The following PRP4K variants were observed in gnomAD, a reference collection of about 807,000 sequenced individuals.
The protein encoded by PRP4K is pre-mRNA processing factor kinase PRP4K.
chr6:4,055,948 T>G, the PRP4K span, among the ~76,000 whole-genome samples: 1 of 152,240 alleles, frequency 6.6e-6, no homozygotes, highest in Non-Finnish European at 1.5e-5. Flanking sequence ...AAGTTAAGTC[T>G]GATTCCTTAG....
At chr6:4,042,017 C>T in the PRP4K span, among the ~76,000 whole-genome samples, 1 of 152,154 alleles carries the variant, frequency 6.6e-6, no homozygotes, top group Non-Finnish European at 1.5e-5. Context: ...GGAGTAGAGC[C>T]ACATTCCCCT....
At chr6:4,038,807 C>T in the PRP4K span, among the ~76,000 whole-genome samples, 20 of 151,656 alleles carry the variant, frequency 1.3e-4, no homozygotes, top group Admixed American at 8.5e-4. Context: ...GTCTTGTGTT[C>T]TGAAATTTAT....
the PRP4K span, chr6:4,058,889 T>C: frequency 8.9e-7 from 1 of 1,120,274 alleles, no homozygotes; most frequent in Non-Finnish European, 1.2e-6. Flanking sequence ...GCTGGTGAAT[T>C]AAAAAAAAAA....
the PRP4K span, among the ~76,000 whole-genome samples, chr6:4,024,347 A>G: frequency 6.6e-6 from 1 of 152,154 alleles, no homozygotes; most frequent in Non-Finnish European, 1.5e-5. Flanking sequence ...CTTAAAAGAT[A>G]TATACATTTT....
At chr6:4,040,995 G>T in the PRP4K span, 1 of 1,446,970 alleles carries the variant, frequency 6.9e-7, no homozygotes, top group Non-Finnish European at 9.4e-7. Flanking sequence ...CTTGGAAATT[G>T]TTAAATAATA....
the PRP4K span, chr6:4,047,068 C>A: frequency 1.1e-6 from 1 of 876,630 alleles, no homozygotes; most frequent in Admixed American, 2.0e-5. Context: ...AACTGATGTG[C>A]AAGAGGGCAA....
chr6:4,062,476 T>C, the PRP4K span: 36 of 152,656 alleles, frequency 2.4e-4, no homozygotes, highest in African/African-American at 8.0e-4. The surrounding 1 kb of genome is among the most constrained non-coding windows in gnomAD (Gnocchi z 4.2). Flanking sequence ...CTTGTCTCCC[T>C]GAGGAATATG....
the PRP4K span, among the ~76,000 whole-genome samples, chr6:4,053,130 A>G: frequency 2.2e-3 from 339 of 152,302 alleles, no homozygotes; most frequent in African/African-American, 7.7e-3. Flanking sequence ...GTGTGCACCA[A>G]TCCTGGAATG....
chr6:4,023,963 T>C, the PRP4K span, among the ~76,000 whole-genome samples: 11 of 151,298 alleles, frequency 7.3e-5, no homozygotes, highest in Non-Finnish European at 7.4e-5. Context: ...GACTCCCTGG[T>C]TCAAGCAGTT....
At chr6:4,047,300 G>C in the PRP4K span, 7 of 1,359,118 alleles carry the variant, frequency 5.2e-6, no homozygotes, top group African/African-American at 1.0e-4. Flanking sequence ...CAAATATATT[G>C]GTGCGTATAT....
chr6:4,057,492 G>A, the PRP4K span, among the ~76,000 whole-genome samples: 1 of 152,166 alleles, frequency 6.6e-6, no homozygotes, highest in Non-Finnish European at 1.5e-5. Context: ...GATGTAAGTT[G>A]AATTAGGTAA....
the PRP4K span, chr6:4,060,761 A>G: frequency 1.3e-6 from 1 of 764,244 alleles, no homozygotes; most frequent in Non-Finnish European, 2.1e-6. This position sits in a 1 kb window ranked among gnomAD's most constrained non-coding sequence, Gnocchi z 4.7. Context: ...CAAGGGTGAT[A>G]TTTCTTTTAG....
chr6:4,038,087 A>C, the PRP4K span, among the ~76,000 whole-genome samples: 2 of 152,182 alleles, frequency 1.3e-5, no homozygotes, highest in Non-Finnish European at 2.9e-5. Context: ...CATACATGAA[A>C]TATTTTAATA....
At chr6:4,042,833 T>G in the PRP4K span, among the ~76,000 whole-genome samples, 1 of 152,210 alleles carries the variant, frequency 6.6e-6, no homozygotes, top group African/African-American at 2.4e-5. Context: ...ATCTGAAGTT[T>G]GCTTTCTTTT....
At chr6:4,022,852 C>G in the PRP4K span, among the ~76,000 whole-genome samples, 2 of 152,174 alleles carry the variant, frequency 1.3e-5, no homozygotes, top group Admixed American at 6.5e-5. Flanking sequence ...GTTACATTTT[C>G]TACTAATCTG....
the PRP4K span, among the ~76,000 whole-genome samples, chr6:4,036,854 A>C: frequency 1.3e-5 from 2 of 151,838 alleles, no homozygotes; most frequent in African/African-American, 4.8e-5. Flanking sequence ...GTGTGGTGGC[A>C]TGCCCTTATG....
chr6:4,064,257 G>A, the PRP4K span: 1 of 152,436 alleles, frequency 6.6e-6, no homozygotes, highest in Non-Finnish European at 1.5e-5. Context: ...TAAGTACTCA[G>A]GACTTTTTTT....
chr6:4,058,866 C>T, the PRP4K span: 1 of 1,336,246 alleles, frequency 7.5e-7, no homozygotes, highest in Non-Finnish European at 1.0e-6. Context: ...TAACTGAGTA[C>T]TAAATCATAC....
At chr6:4,026,865 GT>G in the PRP4K span, among the ~76,000 whole-genome samples, 1 of 152,196 alleles carries the variant, frequency 6.6e-6, no homozygotes, top group Non-Finnish European at 1.5e-5. Flanking sequence ...AGGAAAACTT[GT>G]TTGAGAAAGT....
Sources: allele counts gnomAD v4.1 joint callset (sites outside exome capture counted in the v4.1 genomes callset), GRCh38; gene constraint gnomAD v4.1.1; non-coding constraint Gnocchi (gnomAD v3.1); transcripts MANE v1.5; gene names NCBI Gene and HGNC (gene_info 2026-07-23, HGNC 2026-07-21).